CDK14: variants seen among roughly 807,000 people sequenced by gnomAD.
The protein encoded by CDK14 is cyclin-dependent kinase 14.
A neutral mutation model predicts 60.7 loss-of-function variants in CDK14; 34 were observed. The observed-to-expected ratio is 0.56, with a 90% CI of 0.43 to 0.75. The LOEUF (loss-of-function observed/expected upper bound fraction) is 0.75. CDK14 is among the 30% of genes least tolerant of loss of function. CDK14 has a pLI of 0.00. For missense variants in CDK14, 482 were observed against 564.1 expected (o/e 0.85, Z 1.47); for synonymous variants, 197 against 203.7 (o/e 0.97, Z 0.28).
chr7:90,729,878 T>C (rs550752841), intron 3 of CDK14, among the ~76,000 whole-genome samples: 2 of 152,238 alleles, frequency 1.3e-5, no homozygotes, highest in East Asian at 3.9e-4. Flanking sequence ...ATATTTTTTC[T>C]TTTTTTAAAA....
At chr7:90,841,464 A>G (rs565018174) in intron 5 of CDK14, among the ~76,000 whole-genome samples, 5 of 152,202 alleles carry the variant, frequency 3.3e-5, no homozygotes, top group African/African-American at 1.2e-4. Context: ...CTAAAAATAA[A>G]GTCTATTATT....
intron 3 of CDK14, among the ~76,000 whole-genome samples, chr7:90,733,354 G>C (rs1802950732): frequency 6.6e-6 from 1 of 152,120 alleles, no homozygotes; most frequent in Non-Finnish European, 1.5e-5. Context: ...ATTTAGGTCT[G>C]TTTGGTCCAG....
chr7:90,741,050 A>C (rs1336489504), intron 3 of CDK14, among the ~76,000 whole-genome samples: 2 of 152,188 alleles, frequency 1.3e-5, no homozygotes, highest in Non-Finnish European at 2.9e-5. Flanking sequence ...AAAATTAGTA[A>C]TCGTGGAGCT....
chr7:90,757,639 C>A (rs1172827974), intron 4 of CDK14, among the ~76,000 whole-genome samples: 1 of 151,694 alleles, frequency 6.6e-6, no homozygotes, highest in Non-Finnish European at 1.5e-5. Flanking sequence ...CTCTGTCGCC[C>A]AGGCTGGAGT....
At chr7:90,645,177 T>G (rs908748939) in intron 2 of CDK14, among the ~76,000 whole-genome samples, 1 of 152,192 alleles carries the variant, frequency 6.6e-6, no homozygotes, top group African/African-American at 2.4e-5. Context: ...GTATATATAT[T>G]TTACACATTA....
chr7:91,206,795 C>A (rs138386752), intron 14 of CDK14, among the ~76,000 whole-genome samples: 1 of 152,226 alleles, frequency 6.6e-6, no homozygotes, highest in African/African-American at 2.4e-5. Context: ...CATAATGATA[C>A]GTCCTTTTAA....
intron 5 of CDK14, among the ~76,000 whole-genome samples, chr7:90,795,048 C>T (rs1806001113): frequency 1.3e-5 from 2 of 152,098 alleles, no homozygotes; most frequent in South Asian, 2.1e-4. Context: ...TAATGTCTTA[C>T]TGAGCATTCA....
chr7:91,166,283 AGT>A (rs1414173936), intron 14 of CDK14, among the ~76,000 whole-genome samples: 3 of 152,174 alleles, frequency 2.0e-5, no homozygotes, highest in Non-Finnish European at 4.4e-5. Context: ...TTACAGGCTC[AGT>A]GTGTCTTCTG....
At chr7:90,647,554 G>A (rs138858261) in intron 2 of CDK14, among the ~76,000 whole-genome samples, 18 of 151,250 alleles carry the variant, frequency 1.2e-4, no homozygotes, top group East Asian at 5.8e-4. Flanking sequence ...TTTGAGTGAA[G>A]GTGTTGGTAA....
intron 14 of CDK14, among the ~76,000 whole-genome samples, chr7:91,126,618 T>C (rs909380176): frequency 6.6e-6 from 1 of 152,162 alleles, no homozygotes; most frequent in South Asian, 2.1e-4. Context: ...ATATATCTTG[T>C]GTTCTTTAGA....
chr7:90,810,399 A>G lies in CDK14; in HGVS notation c.544+19747A>G, dbSNP rs541672092. On this transcript the variant is annotated intron_variant, in intron 5 of 14. Coordinates refer to ENST00000380050, the MANE Select transcript of CDK14 (RefSeq NM_001287135.2). ...ATGATTATCTGAATAGATGTGGAAAAGACCTTTGACAAAATTCAACAACCC... is the reference window on the plus strand; with the variant it reads ...ATGATTATCTGAATAGATGTGGAAAGGACCTTTGACAAAATTCAACAACCC... 2.0e-5 allele frequency among the ~76,000 whole-genome samples: 3 copies of G among 152,368 alleles called. No homozygotes were observed. The East Asian group carries it at 5.8e-4, about 29-fold the overall frequency.
chr7:90,953,767 CAACAGCATATGGAACAAGTCAG>C (rs1331329968), intron 8 of CDK14, among the ~76,000 whole-genome samples: 1 of 152,132 alleles, frequency 6.6e-6, no homozygotes, highest in Non-Finnish European at 1.5e-5. Flanking sequence ...TTTGACTTGA[CAACAGCATATGGAACAAGTCAG>C]AACCTATTTC....
At chr7:90,857,876 C>A (rs1790877226) in intron 5 of CDK14, among the ~76,000 whole-genome samples, 1 of 152,166 alleles carries the variant, frequency 6.6e-6, no homozygotes, top group Non-Finnish European at 1.5e-5. Context: ...ATGTCTGTCA[C>A]CTACCGTGAT....
chr7:90,791,044 A>C (rs2116967882), intron 5 of CDK14, among the ~76,000 whole-genome samples: 1 of 152,262 alleles, frequency 6.6e-6, no homozygotes, highest in East Asian at 1.9e-4. Context: ...TAGGCATTTG[A>C]ATTTCTTTTC....
chr7:91,176,762 A>G (rs376005528), intron 14 of CDK14, among the ~76,000 whole-genome samples: 45,496 of 147,654 alleles, frequency 0.31, 7,244 homozygotes, highest in East Asian at 0.39. Flanking sequence ...AAACCAGGAA[A>G]AAGTTGAATC....
intron 5 of CDK14, among the ~76,000 whole-genome samples, chr7:90,830,113 G>A (rs528572494): frequency 6.6e-6 from 1 of 152,308 alleles, no homozygotes; most frequent in South Asian, 2.1e-4. Flanking sequence ...GTGATTCTGT[G>A]TGGGGGCTCC....
intron 4 of CDK14, among the ~76,000 whole-genome samples, chr7:90,749,202 A>C (rs565906193): frequency 3.7e-4 from 57 of 152,316 alleles, no homozygotes; most frequent in Middle Eastern, 6.8e-3. Context: ...ACACCCGGGC[A>C]GATCTCCAGG....
At chr7:90,920,490 G>A (rs1793214042) in intron 8 of CDK14, among the ~76,000 whole-genome samples, 1 of 152,168 alleles carries the variant, frequency 6.6e-6, no homozygotes, top group Non-Finnish European at 1.5e-5. Flanking sequence ...ATACTAACCT[G>A]TATTTTTGAG....
rs550564770 is a variant in CDK14, at chr7:91,018,642, A to G, written c.1042-27255A>G. Reference sequence around the variant, plus strand: ...CAGGAGGTGATTGGATCATGGGTGGATTTCCCCCTTGATGTTTGCATGATA... The same window carrying G: ...CAGGAGGTGATTGGATCATGGGTGGGTTTCCCCCTTGATGTTTGCATGATA... On this transcript the variant is annotated intron_variant, in intron 10 of 14. Transcript: ENST00000380050. 4.6e-5 allele frequency among the ~76,000 whole-genome samples: 7 copies of G among 152,162 alleles called. No individual in the cohort carries two copies. In the South Asian group the frequency reaches 1.5e-3, roughly 32 times the overall value.
Sources: allele counts gnomAD v4.1 joint callset (sites outside exome capture counted in the v4.1 genomes callset), GRCh38; gene constraint gnomAD v4.1.1; transcripts MANE v1.5; gene names NCBI Gene and HGNC (gene_info 2026-07-23, HGNC 2026-07-21).